ARVCF: variants seen among roughly 807,000 people sequenced by gnomAD.
ARVCF encodes splicing regulator ARVCF.
In ARVCF, 66 loss-of-function variants were observed where a neutral mutation model predicts 90.9. The ratio of observed to expected loss-of-function variants is 0.73; its 90% CI spans 0.60 to 0.89. The LOEUF (loss-of-function observed/expected upper bound fraction) is 0.89, where lower values mean the gene tolerates loss of function less well. ARVCF is among the 40% of genes least tolerant of loss of function. The probability of loss-of-function intolerance (pLI) is 0.00; values close to 1 mark genes in which losing one functional copy is unlikely to be tolerated. For missense variants in ARVCF, 1,469 were observed against 1,382.3 expected (o/e 1.06, Z -1.00); for synonymous variants, 653 against 603.4 (o/e 1.08, Z -1.21).
Position 19,979,673 on chromosome 22 carries a change from C to T in ARVCF, c.1396+70G>A, listed in dbSNP as rs183355081. 85 of 1,490,988 alleles carry T rather than the reference C, an allele frequency of 5.7e-5. No homozygotes were observed. The African/African-American group carries it at 8.2e-4, about 14-fold the overall frequency. The allele number at this position is 1,490,988 out of a possible 1,614,324, so 92.4% of individuals were successfully genotyped here. On this transcript the variant is annotated intron_variant, in intron 6 of 19. Transcript: ENST00000263207. ...CAGGCGGTCGCAGGCCGAGTGGCCT[C>T]GTTCCTCCCGGGTTGAGCCTCACAC... is the stretch of plus-strand genomic sequence containing the variant.
chr22:20,013,762 A>C (rs1944922554), intron 1 of ARVCF, among the ~76,000 whole-genome samples: 1 of 152,244 alleles, frequency 6.6e-6, no homozygotes, highest in Non-Finnish European at 1.5e-5. Context: ...AAACAGGCCA[A>C]GATATGAAGG....
downstream of ARVCF, chr22:19,969,875 T>G (rs1275180736): frequency 2.2e-5 from 22 of 985,340 alleles, no homozygotes; most frequent in Admixed American, 1.3e-3. Context: ...GTGCCAGACC[T>G]GAGTGGCAGA....
chr22:19,969,863 T>G, downstream of ARVCF: 1 of 985,474 alleles, frequency 1.0e-6, no homozygotes, highest in Non-Finnish European at 1.2e-6. Flanking sequence ...AGCCAGCCAC[T>G]TGTGCCAGAC....
At chr22:19,975,562 G>T in intron 11 of ARVCF, 124 bp downstream of exon 11, 2 of 1,019,774 alleles carry the variant, frequency 2.0e-6, no homozygotes, top group South Asian at 1.5e-5. Flanking sequence ...GCACCTAGGG[G>T]CCTGTTTCCC....
chr22:19,967,449 C>G (rs1296912077), downstream of ARVCF: 8 of 465,036 alleles, frequency 1.7e-5, no homozygotes, highest in East Asian at 4.9e-4. Context: ...ACTTCCTGCT[C>G]AACTCCGGAC....
chr22:19,967,634 G>A (rs9306235), downstream of ARVCF: 15,872 of 310,602 alleles, frequency 0.051, 536 homozygotes, highest in Non-Finnish European at 0.072. Flanking sequence ...ATGTGGGGTC[G>A]GATACCAGTG....
chr22:19,974,174 TC>T lies in ARVCF; in HGVS notation c.2025del (p.Asn676ThrfsTer188), dbSNP rs1257297016. ...GCGGCAGCCTCCAGGGTGTTGAAGT[TC>T]CGGCTCTCCGTGAGGAGGGAGAGGT... ...RLYLSLLTES[R>X]NFNTLEAAAG... On this transcript the variant is annotated frameshift_variant, in exon 12 of 20. Coordinates refer to ENST00000263207, the MANE Select transcript of ARVCF (RefSeq NM_001670.3). LOFTEE classifies it high-confidence loss of function. 6.8e-6 allele frequency: 11 copies of T among 1,612,950 alleles called. No individual in the cohort carries two copies. Among genetic ancestry groups the T allele is most frequent in the Non-Finnish European group, 9.3e-6 (11 of 1,179,840 alleles).
rs201605971 is a variant in ARVCF at position 19,971,362 on chromosome 22, G to A, written c.2782-27C>T. ...TGCAGCGCACGGGTGGGCATTAGAG[G>A]CACAATAGAGCAGGTTAGTTAGAGC... On this transcript the variant is annotated intron_variant, in intron 18 of 19. Transcript: ENST00000263207. The A allele has an allele frequency of 9.9e-4, 1,523 of 1,542,098 alleles. 21 individuals carry two copies. The highest frequency in any genetic ancestry group is 1.7e-4 in the Non-Finnish European group (195 of 1,144,856).
intron 2 of ARVCF, among the ~76,000 whole-genome samples, chr22:19,992,470 C>G (rs1360040480): frequency 1.3e-5 from 2 of 152,200 alleles, no homozygotes; most frequent in Non-Finnish European, 2.9e-5. Flanking sequence ...AGGCCCCAGA[C>G]CCAACACAGG....
chr22:19,977,439 A>G lies in ARVCF; in HGVS notation c.1846T>C (p.Cys616Arg). The change falls in exon 9 of 20, where the codon TGC (cysteine) becomes CGC (arginine). Residue 616 changes from cysteine to arginine, a missense_variant. Coordinates refer to ENST00000263207, the MANE Select transcript of ARVCF (RefSeq NM_001670.3). ...CCTTTGGCCTTCTTGCCTCCAAAGCAGCTGGCATCATCCCGCCTCCGGCGC... is the reference window on the plus strand; with the variant it reads ...CCTTTGGCCTTCTTGCCTCCAAAGCGGCTGGCATCATCCCGCCTCCGGCGC... ...SQRRRRDDAS[C>R]FGGKKAKEEW... The G allele has an allele frequency of 6.5e-7, 1 of 1,545,732 alleles. No homozygotes were observed. The highest frequency in any genetic ancestry group is 8.7e-7 in the Non-Finnish European group (1 of 1,145,134).
rs1943463898 is a variant in ARVCF, at chr22:19,981,054, C to T, written c.896+157G>A. On this transcript the variant is annotated intron_variant, in intron 5 of 19. Transcript: ENST00000263207. ...GCCGAACTCCTACCACCCCAGGGTC[C>T]ACCTTTCTTCTGTCCCTGACGAGAG... is the stretch of plus-strand genomic sequence containing the variant. 8.1e-6 allele frequency: 8 copies of T among 993,190 alleles called. No homozygotes were observed. The Admixed American group carries it at 2.6e-4, about 32-fold the overall frequency. 61.5% of individuals were successfully genotyped at this position (993,190 alleles called of 1,614,324 possible). A position where few individuals can be genotyped will look rare whatever the true frequency, so the allele number is the denominator to read the frequency against.
At position 19,972,972 on chromosome 22, in the gene ARVCF, G is replaced by A; in HGVS notation, c.2503C>T (p.Leu835=). The change falls in exon 15 of 20, where the codon CTG becomes TTG. Residue 835 remains leucine (L), a synonymous_variant. Transcript: ENST00000263207. The part of the protein sequence containing the change: ...VLQTVWSYKE[L]RGTLQKDGWT... ...CCATCTTTCTGCAAGGTACCACGCA[G>A]CTCCTTGTAGCTCCACACTGTCTGC... The A allele has an allele frequency of 3.1e-6, 5 of 1,613,760 alleles. No homozygotes were observed. The highest frequency in any genetic ancestry group is 4.2e-6 in the Non-Finnish European group (5 of 1,180,024).
chr22:19,997,175 G>T (rs73387760), intron 2 of ARVCF, among the ~76,000 whole-genome samples: 2,463 of 152,220 alleles, frequency 0.016, 66 homozygotes, highest in African/African-American at 0.056. Flanking sequence ...TCAAGGCAGG[G>T]TCACTGCTGG....
At position 19,980,163 on chromosome 22, in the gene ARVCF, C is replaced by A; in HGVS notation, c.976G>T (p.Ala326Ser). ...CCCATGCTGCCCCGTTCAGGCTGGG[C>A]CAGGGGCGCCGTCACCATTGGGAAC... is the stretch of plus-strand genomic sequence containing the variant. Reference protein sequence around the residue: ...PAFPMVTAPLAQPERGSMGSL... With the variant: ...PAFPMVTAPLSQPERGSMGSL... The change falls in exon 6 of 20, where the codon GCC (alanine) becomes TCC (serine). Residue 326 changes from alanine (A) to serine (S), a missense_variant. By Grantham distance (99) the Ala-to-Ser change is moderately conservative. Transcript: ENST00000263207. The A allele has an allele frequency of 6.3e-7, 1 of 1,581,732 alleles. No individual in the cohort carries two copies. Among genetic ancestry groups the A allele is most frequent in the Non-Finnish European group, 8.6e-7 (1 of 1,165,100 alleles).
chr22:19,970,833 G>C, intron 19 of ARVCF, 90 bp from the exon 20 acceptor site: 1 of 1,271,798 alleles, frequency 7.9e-7, no homozygotes. Context: ...AACTCCACAG[G>C]CTACATGGAT....
At position 19,970,649 on chromosome 22, in the gene ARVCF, G is replaced by C. The variant is rs1942704213; in HGVS notation, c.*107C>G. 2 of 1,284,132 alleles carry C rather than the reference G, an allele frequency of 1.6e-6. No individual in the cohort carries two copies. Among genetic ancestry groups the C allele is most frequent in the South Asian group, 2.5e-5 (2 of 80,302 alleles). The allele number at this position is 1,284,132 out of a possible 1,614,324, so 79.5% of individuals were successfully genotyped here. ...CTGGGGCGAGGCGCTGCCAACCCCT[G>C]CCGCCAGGGGGCTCCAAGCTCCACG... On this transcript the variant is annotated 3_prime_UTR_variant, in exon 20 of 20. Coordinates refer to ENST00000263207, the MANE Select transcript of ARVCF (RefSeq NM_001670.3).
At chr22:19,965,801 G>A (rs1881150836), downstream of ARVCF, among the ~76,000 whole-genome samples, 1 of 149,176 alleles carries the variant, frequency 6.7e-6, no homozygotes, top group South Asian at 2.2e-4. Flanking sequence ...GACCTGTAGT[G>A]GCCAAGGGGG....
intron 2 of ARVCF, among the ~76,000 whole-genome samples, chr22:19,996,196 G>A (rs561518480): frequency 6.6e-6 from 1 of 152,284 alleles, no homozygotes; most frequent in South Asian, 2.1e-4. Flanking sequence ...TGCAGACTGT[G>A]TTGGATCCGG....
At chr22:19,990,348 G>C (rs1202569278) in intron 3 of ARVCF, among the ~76,000 whole-genome samples, 1 of 152,196 alleles carries the variant, frequency 6.6e-6, no homozygotes, top group Non-Finnish European at 1.5e-5. Flanking sequence ...GGCCCTGAGG[G>C]CTCAGTGGAG....
Sources: allele counts gnomAD v4.1 joint callset (sites outside exome capture counted in the v4.1 genomes callset), GRCh38; gene constraint gnomAD v4.1.1; transcripts MANE v1.5; gene names NCBI Gene and HGNC (gene_info 2026-07-23, HGNC 2026-07-21).